Variants in NCAPD2 observed in about 807,000 individuals in gnomAD.
The protein encoded by NCAPD2 is condensin complex subunit 1.
A neutral mutation model predicts 164.5 loss-of-function variants in NCAPD2; 100 were observed. The ratio of observed to expected loss-of-function variants is 0.61; its 90% CI spans 0.52 to 0.72. The LOEUF (loss-of-function observed/expected upper bound fraction) is 0.72, where lower values mean the gene tolerates loss of function less well. Among genes scored for constraint, NCAPD2 ranks in the 30% least tolerant of loss-of-function variants. The probability of loss-of-function intolerance (pLI) is 0.00; values close to 1 mark genes in which losing one functional copy is unlikely to be tolerated. For missense variants in NCAPD2, 1,560 were observed against 1,749.2 expected (o/e 0.89, Z 1.93); for synonymous variants, 585 against 642.6 (o/e 0.91, Z 1.36).
At chr12:6,507,482 A>G (rs1319792528) in intron 2 of NCAPD2, among the ~76,000 whole-genome samples, 1 of 152,260 alleles carries the variant, frequency 6.6e-6, no homozygotes, top group Non-Finnish European at 1.5e-5. Flanking sequence ...GCACACCTGA[A>G]CAAAGGGGCA....
chr12:6,514,050 T>C (rs1417049946), intron 6 of NCAPD2, among the ~76,000 whole-genome samples: 2 of 152,146 alleles, frequency 1.3e-5, no homozygotes, highest in Non-Finnish European at 2.9e-5. Flanking sequence ...TTTAGGTTCT[T>C]TGTCAGCATC....
At position 6,528,665 on chromosome 12, in the gene NCAPD2, A is replaced by G; in HGVS notation, c.3300-14A>G. On this transcript the variant is annotated splice_polypyrimidine_tract_variant and intron_variant, in intron 25 of 31. Transcript: ENST00000315579. This position sits in a 1 kb window ranked among gnomAD's most constrained non-coding sequence, Gnocchi z 5.1. Reference sequence around the variant, plus strand: ...GGAGGTCTCGGTCCCCATGACCCGCAATTCCATTCCTAGTCTCCGGGACCC... The same window carrying G: ...GGAGGTCTCGGTCCCCATGACCCGCGATTCCATTCCTAGTCTCCGGGACCC... 6.2e-7 allele frequency: 1 copy of G among 1,605,242 alleles called. No homozygotes were observed. Among genetic ancestry groups the G allele is most frequent in the Non-Finnish European group, 8.5e-7 (1 of 1,172,926 alleles).
intron 2 of NCAPD2, among the ~76,000 whole-genome samples, chr12:6,501,309 C>A (rs555468975): frequency 2.1e-5 from 3 of 141,230 alleles, no homozygotes; most frequent in East Asian, 4.5e-4. Flanking sequence ...GGCACCATCT[C>A]GGTTCACTGC....
At chr12:6,522,764 C>G in intron 15 of NCAPD2, 64 bp from the exon 16 acceptor site, 1 of 1,559,298 alleles carries the variant, frequency 6.4e-7, no homozygotes, top group Non-Finnish European at 8.7e-7. Flanking sequence ...CAGAAAGGTT[C>G]TGTCGTTAGG....
chr12:6,529,980 A>T, intron 29 of NCAPD2, 22 bp downstream of exon 29: 1 of 1,603,702 alleles, frequency 6.2e-7, no homozygotes, highest in Admixed American at 1.7e-5. Flanking sequence ...AGGACACTTC[A>T]ATGCCTGTTG....
At position 6,527,988 on chromosome 12, in the gene NCAPD2, T is replaced by C. The variant is rs773763595; in HGVS notation, c.3040T>C (p.Phe1014Leu). Residue 1014 changes from phenylalanine to leucine, a missense_variant, in exon 24 of 32, where the codon TTT becomes CTT. Phe to Leu is a conservative substitution (Grantham distance 22). Coordinates refer to ENST00000315579, the MANE Select transcript of NCAPD2 (RefSeq NM_014865.4). ...AACAGGCAAACAGACACTGGCTGCCTTTGTTCCACTCTTGCTTAAAGTCTG... is the reference window on the plus strand; with the variant it reads ...AACAGGCAAACAGACACTGGCTGCCCTTGTTCCACTCTTGCTTAAAGTCTG... ...LLDGKQTLAA[F>L]VPLLLKVCNN... is the part of the protein sequence containing the mutation. The C allele has an allele frequency of 6.2e-7, 1 of 1,614,242 alleles. No individual in the cohort carries two copies. The highest frequency in any genetic ancestry group is 8.5e-7 in the Non-Finnish European group (1 of 1,180,038).
At chr12:6,520,550 C>G (rs1004472952) in intron 13 of NCAPD2, among the ~76,000 whole-genome samples, 1 of 152,194 alleles carries the variant, frequency 6.6e-6, no homozygotes, top group Non-Finnish European at 1.5e-5. Context: ...AGACTGATCT[C>G]AAATTCCTGG....
intron 6 of NCAPD2, among the ~76,000 whole-genome samples, chr12:6,511,674 G>A (rs1946148629): frequency 6.6e-6 from 1 of 152,024 alleles, no homozygotes; most frequent in Admixed American, 6.6e-5. Context: ...ATGGAAGAAG[G>A]TTGTGATTTT....
Position 6,516,938 on chromosome 12 carries a change from G to C in NCAPD2, c.1098G>C (p.Leu366Phe). Residue 366 changes from leucine to phenylalanine, a missense_variant, in exon 10 of 32, where the codon TTG becomes TTC. Physicochemically the swap from Leu to Phe is conservative, Grantham distance 22 (BLOSUM62 0). Coordinates refer to ENST00000315579, the MANE Select transcript of NCAPD2 (RefSeq NM_014865.4). ...CCCGAGACACCAGAGACCAGTTCTTGGATACTTTACAAGCCCATGGCCATG... is the reference window on the plus strand; with the variant it reads ...CCCGAGACACCAGAGACCAGTTCTTCGATACTTTACAAGCCCATGGCCATG... ...AAARDTRDQF[L>F]DTLQAHGHDV... 6.2e-7 allele frequency: 1 copy of C among 1,614,134 alleles called. No homozygotes were observed. The highest frequency in any genetic ancestry group is 8.5e-7 in the Non-Finnish European group (1 of 1,180,026).
intron 13 of NCAPD2, among the ~76,000 whole-genome samples, chr12:6,518,510 T>TTTTTTTTTTGTTTTTG (rs1565544135): frequency 1.8e-4 from 9 of 50,298 alleles, no homozygotes; most frequent in African/African-American, 9.9e-4. Context: ...ACAAGTTTTT[T>TTTTTTTTTTGTTTTTG]TTTTTTTTTT....
chr12:6,526,254 G>A (rs1186606043), intron 19 of NCAPD2, 33 bp from the exon 20 acceptor site: 11 of 1,614,116 alleles, frequency 6.8e-6, no homozygotes, highest in East Asian at 2.2e-5. Flanking sequence ...TGTCCACCCT[G>A]TACACACACC....
Position 6,530,994 on chromosome 12 carries a change from C to T in NCAPD2, c.4038C>T (p.Thr1346=). 1 of 1,614,204 alleles carries T rather than the reference C, an allele frequency of 6.2e-7. No homozygotes were observed. The highest frequency in any genetic ancestry group is 8.5e-7 in the Non-Finnish European group (1 of 1,180,034). The change falls in exon 31 of 32, where the codon ACC becomes ACT. Residue 1346 remains threonine, a synonymous_variant. Transcript: ENST00000315579. The part of the protein sequence containing the change: ...DFVTPEPRRT[T]RRHPNTQQRA... ...TCACACCAGAGCCCCGCCGTACTAC[C>T]CGTCGGCATCCAAACACCCAGCAGC...
intron 2 of NCAPD2, among the ~76,000 whole-genome samples, chr12:6,498,707 A>G (rs1946006116): frequency 6.6e-6 from 1 of 151,986 alleles, no homozygotes; most frequent in African/African-American, 2.4e-5. Flanking sequence ...TCCCAGGTTC[A>G]AGAGATTCCC....
intron 13 of NCAPD2, among the ~76,000 whole-genome samples, chr12:6,518,737 T>C (rs1337361019): frequency 6.6e-6 from 1 of 151,584 alleles, no homozygotes; most frequent in Non-Finnish European, 1.5e-5. Flanking sequence ...GCCAGGCTGG[T>C]CTTGAACTCC....
chr12:6,521,275 A>G (rs987814941), intron 14 of NCAPD2, among the ~76,000 whole-genome samples, 165 bp downstream of exon 14: 11 of 152,354 alleles, frequency 7.2e-5, no homozygotes, highest in Admixed American at 2.0e-4. Flanking sequence ...CCACGGGCCT[A>G]AGATTGATAG....
At chr12:6,496,080 C>T (rs1945980913) in intron 2 of NCAPD2, among the ~76,000 whole-genome samples, 1 of 135,982 alleles carries the variant, frequency 7.4e-6, no homozygotes, top group African/African-American at 2.8e-5. Flanking sequence ...TTTTTTGAGA[C>T]AGGGTCTCAC....
chr12:6,516,186 ACT>A (rs1445724612), intron 9 of NCAPD2, among the ~76,000 whole-genome samples: 1 of 143,918 alleles, frequency 6.9e-6, no homozygotes, highest in Non-Finnish European at 1.5e-5. Context: ...ACAAAACGAG[ACT>A]CTGTCTCAAA....
At position 6,519,316 on chromosome 12, in the gene NCAPD2, A is replaced by G. The variant is rs148481561; in HGVS notation, c.1589+1357A>G. Among the ~76,000 whole-genome samples, 164 of 152,066 alleles carry G rather than the reference A, an allele frequency of 1.1e-3. 1 individual carries two copies. The highest frequency in any genetic ancestry group is 3.7e-3 in the African/African-American group (154 of 41,482). ...CTATAGTTTTATAAGTGCATGTTCC[A>G]CCAAGCATTCTAGTATTTTCTCCTG... On this transcript the variant is annotated intron_variant, in intron 13 of 31. Transcript: ENST00000315579.
At chr12:6,494,202 A>T (rs1033866027) in intron 1 of NCAPD2, 48 bp downstream of exon 1, 1 of 152,274 alleles carries the variant, frequency 6.6e-6, no homozygotes, top group Non-Finnish European at 1.5e-5. Context: ...AGTCGAGTAC[A>T]TGGCAGTGTG....
Sources: gnomAD v4.1 joint callset for allele counts (sites outside exome capture counted in the v4.1 genomes callset) on GRCh38, gnomAD v4.1.1 for gene constraint, Gnocchi (gnomAD v3.1) non-coding constraint, MANE v1.5 for transcripts, NCBI Gene and HGNC (gene_info 2026-07-23, HGNC 2026-07-21) for gene names.